Variants in SDK1 observed in about 807,000 individuals in gnomAD.
SDK1 encodes the protein protein sidekick-1.
In SDK1, 157 loss-of-function variants were observed where a neutral mutation model predicts 245.5. The observed-to-expected ratio is 0.64, with a 90% confidence interval of 0.56 to 0.73. SDK1 has a LOEUF of 0.73. SDK1 is among the 30% of genes least tolerant of loss of function. SDK1 has a pLI of 0.00. For synonymous variants in SDK1, 1,647 were observed against 1,278.5 expected, an observed-to-expected ratio of 1.29 and a Z score of -6.15; for missense variants, 3,583 against 3,002.3, an observed-to-expected ratio of 1.19 and a Z score of -4.52.
intron 1 of SDK1, among the ~76,000 whole-genome samples, chr7:3,608,473 C>T (rs1283886411): frequency 3.3e-5 from 5 of 152,116 alleles, no homozygotes; most frequent in Admixed American, 6.5e-5. Flanking sequence ...TCAATGAAAA[C>T]AACTGACAGT....
At chr7:3,568,369 C>G (rs11976657) in intron 1 of SDK1, among the ~76,000 whole-genome samples, 1,775 of 152,186 alleles carry the variant, frequency 0.012, 37 homozygotes, top group African/African-American at 0.033. Context: ...TGCTCTTTTT[C>G]CCTCTATTAC....
intron 1 of SDK1, among the ~76,000 whole-genome samples, chr7:3,566,047 A>G (rs1333080238): frequency 2.0e-5 from 3 of 152,188 alleles, no homozygotes; most frequent in African/African-American, 4.8e-5. Flanking sequence ...ATAAGAATGT[A>G]TAAAAATCTC....
At chr7:4,261,207 C>G (rs981989724) in intron 44 of SDK1, among the ~76,000 whole-genome samples, 1 of 152,124 alleles carries the variant, frequency 6.6e-6, no homozygotes, top group African/African-American at 2.4e-5. Flanking sequence ...AGGTGCCGGA[C>G]GGTGTCGGCT....
rs116482238 is a variant in SDK1, at chr7:3,995,396, C to G, written c.2131+8074C>G. Among the ~76,000 whole-genome samples the G allele has an allele frequency of 4.5e-3, 686 of 152,210 alleles. 5 individuals are homozygous for G. Among genetic ancestry groups the G allele is most frequent in the African/African-American group, 0.016 (650 of 41,544 alleles). On this transcript the variant is annotated intron_variant, in intron 14 of 44. Transcript: ENST00000404826. ...CCACCCCCTCCCCTGGGAGCGCTGT[C>G]CCCATCCCCTCCCTTGGGGGCGCTG...
intron 5 of SDK1, among the ~76,000 whole-genome samples, chr7:3,900,812 C>A (rs1177451391): frequency 6.6e-6 from 1 of 152,070 alleles, no homozygotes; most frequent in South Asian, 2.1e-4. Context: ...AGATTTGTTG[C>A]AGACATTCCT....
intron 4 of SDK1, among the ~76,000 whole-genome samples, chr7:3,798,926 G>T (rs997368547): frequency 1.3e-5 from 2 of 152,172 alleles, no homozygotes; most frequent in African/African-American, 4.8e-5. Flanking sequence ...TTCACCAGTG[G>T]ATCTTGCCTG....
chr7:3,560,961 C>T (rs1583167119), intron 1 of SDK1, among the ~76,000 whole-genome samples: 1 of 152,188 alleles, frequency 6.6e-6, no homozygotes, highest in Non-Finnish European at 1.5e-5. Flanking sequence ...CCTACAATTT[C>T]GCACCAACCC....
At chr7:3,772,392 T>G (rs1780428920) in intron 4 of SDK1, among the ~76,000 whole-genome samples, 1 of 152,218 alleles carries the variant, frequency 6.6e-6, no homozygotes, top group African/African-American at 2.4e-5. Context: ...TATATCTTCA[T>G]TCCCACTGTT....
rs184491752 is a variant in SDK1, at chr7:3,779,760, G to A, written c.714-41690G>A. Reference sequence around the variant, plus strand: ...ATCCTGGCTAACAAGGTGAAACCCCGTCTCTACTGGAAATACAAAAAATTA... The same window carrying A: ...ATCCTGGCTAACAAGGTGAAACCCCATCTCTACTGGAAATACAAAAAATTA... On this transcript the variant is annotated intron_variant, in intron 4 of 44. Transcript: ENST00000404826. Among the ~76,000 whole-genome samples, 125 of 151,786 alleles carry A rather than the reference G, an allele frequency of 8.2e-4. 1 individual carries two copies. Among genetic ancestry groups the A allele is most frequent in the Admixed American group, 3.0e-3 (46 of 15,250 alleles).
chr7:3,896,222 G>T (rs533241541), intron 5 of SDK1, among the ~76,000 whole-genome samples: 1 of 152,264 alleles, frequency 6.6e-6, no homozygotes, highest in Non-Finnish European at 1.5e-5. Flanking sequence ...TTTATCCCCT[G>T]TGTACATTCA....
chr7:3,661,174 C>T (rs539163287), intron 4 of SDK1, among the ~76,000 whole-genome samples: 15 of 152,332 alleles, frequency 9.8e-5, no homozygotes, highest in Middle Eastern at 3.4e-3. Context: ...CTGTATCACA[C>T]CAAGTACTTT....
chr7:3,985,583 GT>G (rs1469852393), intron 13 of SDK1, among the ~76,000 whole-genome samples: 1 of 152,158 alleles, frequency 6.6e-6, no homozygotes, highest in African/African-American at 2.4e-5. Flanking sequence ...AAGGCCAGGA[GT>G]TTGAGACCAG....
intron 4 of SDK1, among the ~76,000 whole-genome samples, chr7:3,789,532 G>C (rs867973473): frequency 2.5e-4 from 38 of 152,168 alleles, no homozygotes; most frequent in African/African-American, 8.4e-4. Context: ...GGGACTTTTT[G>C]TGTTAGGTTA....
chr7:3,475,321 G>A (rs1372100851), intron 1 of SDK1, among the ~76,000 whole-genome samples: 1 of 152,080 alleles, frequency 6.6e-6, no homozygotes, highest in African/African-American at 2.4e-5. Flanking sequence ...GCCCTCCCCA[G>A]CCCTGCCCCT....
intron 4 of SDK1, among the ~76,000 whole-genome samples, chr7:3,742,755 C>G (rs902087531): frequency 6.6e-6 from 1 of 152,186 alleles, no homozygotes; most frequent in Admixed American, 6.5e-5. Context: ...GTTTATTTCA[C>G]AGACCCAGTC....
At position 4,265,567 on chromosome 7, in the gene SDK1, T is replaced by G; in HGVS notation, c.*183T>G. The stretch of plus-strand genomic sequence containing the variant: ...AATTAGGAAGGTTTTTTTAAACGGC[T>G]TTTTGTAACTTCGCTGCAGGAAGCA... On this transcript the variant is annotated 3_prime_UTR_variant, in exon 45 of 45. Transcript: ENST00000404826. 2 of 1,344,412 alleles carry G rather than the reference T, an allele frequency of 1.5e-6. No homozygotes were observed. The highest frequency in any genetic ancestry group is 1.9e-6 in the Non-Finnish European group (2 of 1,057,256). 83.3% of individuals were successfully genotyped at this position (1,344,412 alleles called of 1,614,324 possible). A position where few individuals can be genotyped will look rare whatever the true frequency, so the allele number is the denominator to read the frequency against.
At chr7:3,480,055 C>G (rs140667851) in intron 1 of SDK1, among the ~76,000 whole-genome samples, 1 of 152,240 alleles carries the variant, frequency 6.6e-6, no homozygotes, top group African/African-American at 2.4e-5. Flanking sequence ...GAATATGTCC[C>G]TTTACATGGC....
chr7:4,050,438 C>T (rs1789364455), intron 18 of SDK1, among the ~76,000 whole-genome samples: 1 of 152,344 alleles, frequency 6.6e-6, no homozygotes, highest in South Asian at 2.1e-4. Context: ...TGTCGAGTCT[C>T]GTTGGCAAGG....
intron 5 of SDK1, among the ~76,000 whole-genome samples, chr7:3,877,439 C>G (rs959603658): frequency 6.6e-6 from 1 of 152,156 alleles, no homozygotes; most frequent in African/African-American, 2.4e-5. Context: ...TGTTCCCTCT[C>G]CACCCCACAG....
Sources: allele counts gnomAD v4.1 joint callset (sites outside exome capture counted in the v4.1 genomes callset), GRCh38; gene constraint gnomAD v4.1.1; transcripts MANE v1.5; gene names NCBI Gene and HGNC (gene_info 2026-07-23, HGNC 2026-07-21).